The following KPNA6 variants were observed in gnomAD, a reference collection of about 807,000 sequenced individuals.
KPNA6 encodes importin subunit alpha-7.
Under a neutral mutation model 72.0 loss-of-function variants are expected in KPNA6, and 9 were observed. That is an observed-to-expected ratio of 0.13 (90% confidence interval 0.08 to 0.22). KPNA6 has a LOEUF of 0.22. Among genes scored for constraint, KPNA6 ranks in the 10% least tolerant of loss-of-function variants. The pLI is 1.00. For missense variants in KPNA6, 374 were observed against 655.7 expected (o/e 0.57, Z 4.69); for synonymous variants, 219 against 242.1 (o/e 0.90, Z 0.89).
Position 32,140,500 on chromosome 1 carries a change from T to G in KPNA6, c.5-14088T>G, listed in dbSNP as rs75070587. 9.5e-3 allele frequency among the ~76,000 whole-genome samples: 1,444 copies of G among 152,290 alleles called. 19 individuals are homozygous for G. Among genetic ancestry groups the G allele is most frequent in the African/African-American group, 0.032 (1,329 of 41,562 alleles). On this transcript the variant is annotated intron_variant, in intron 1 of 13. Coordinates refer to ENST00000373625, the MANE Select transcript of KPNA6 (RefSeq NM_012316.5). ...ATGTACAGTTAAAAATATAGCTATA[T>G]TATATATACATCTGATAGAATAAAA...
rs191289432 is a variant in KPNA6 at position 32,115,229 on chromosome 1, G to A, written c.4+7095G>A. Among the ~76,000 whole-genome samples the A allele has an allele frequency of 6.8e-3, 1,029 of 151,754 alleles. 12 individuals carry two copies. The highest frequency in any genetic ancestry group is 0.024 in the African/African-American group (988 of 41,380). On this transcript the variant is annotated intron_variant, in intron 1 of 13. Coordinates refer to ENST00000373625, the MANE Select transcript of KPNA6 (RefSeq NM_012316.5). ...CAGCTCACTACAAGCTCGGCCTCCC[G>A]GGTTCACGCCATTCTCCTGCCTCAG... is the stretch of plus-strand genomic sequence containing the variant.
chr1:32,150,391 C>T (rs963473709), intron 1 of KPNA6, among the ~76,000 whole-genome samples: 1 of 152,014 alleles, frequency 6.6e-6, no homozygotes, highest in Admixed American at 6.6e-5. Flanking sequence ...CCTCGGCCTC[C>T]CAACGTGTTG....
At chr1:32,150,615 T>C (rs1007321380) in intron 1 of KPNA6, among the ~76,000 whole-genome samples, 1 of 152,118 alleles carries the variant, frequency 6.6e-6, no homozygotes, top group African/African-American at 2.4e-5. Flanking sequence ...CTGCTTAGCA[T>C]GTATAGTACT....
rs780518386 is a variant in KPNA6 at position 32,166,097 on chromosome 1, T to C, written c.991-8T>C. 4.4e-6 allele frequency: 7 copies of C among 1,588,002 alleles called. No homozygotes were observed. Among genetic ancestry groups the C allele is most frequent in the Non-Finnish European group, 6.0e-6 (7 of 1,172,788 alleles). ...TTTCTTTTGTTTCCTGTGCTTTTGG[T>C]GTTCTAGGTCATTCTTAACTGTTCA... On this transcript the variant is annotated splice_polypyrimidine_tract_variant and splice_region_variant and intron_variant, in intron 10 of 13. Coordinates refer to ENST00000373625, the MANE Select transcript of KPNA6 (RefSeq NM_012316.5).
At position 32,141,375 on chromosome 1, in the gene KPNA6, C is replaced by CTTT. The variant is rs71006334; in HGVS notation, c.5-13175_5-13173dup. Among the ~76,000 whole-genome samples, 62 of 54,460 alleles carry CTTT rather than the reference C, an allele frequency of 1.1e-3. 15 individuals are homozygous for CTTT. Among genetic ancestry groups the CTTT allele is most frequent in the Non-Finnish European group, 1.4e-3 (36 of 25,158 alleles). The allele number at this position is 54,460 out of a possible 152,430, so 35.7% of individuals were successfully genotyped here. On this transcript the variant is annotated intron_variant, in intron 1 of 13. Coordinates refer to ENST00000373625, the MANE Select transcript of KPNA6 (RefSeq NM_012316.5). ...AGGGCTTTTTTTTTTTAAGTTAATC[C>CTTT]TTTTTTTTTTTTTTTTTTTTTTTTT...
chr1:32,108,271 G>A, intron 1 of KPNA6, 137 bp downstream of exon 1: 1 of 1,291,462 alleles, frequency 7.7e-7, no homozygotes, highest in Non-Finnish European at 1.1e-6. Flanking sequence ...AGTCAGGCCG[G>A]GAGTGCCCCT....
rs544239938 is a variant in KPNA6 at position 32,108,149 on chromosome 1, C to G, written c.4+15C>G. The G allele has an allele frequency of 2.1e-4, 342 of 1,614,024 alleles. 2 individuals are homozygous for G. In the South Asian group the frequency reaches 2.9e-3, roughly 14 times the overall value. ...ACCCGCGATGGGTGAGTGAGGAAAC[C>G]ACGCAGTAGGGTTCTTGGGCTCAGG... On this transcript the variant is annotated intron_variant, in intron 1 of 13. Coordinates refer to ENST00000373625, the MANE Select transcript of KPNA6 (RefSeq NM_012316.5).
At chr1:32,126,091 G>T (rs1641530315) in intron 1 of KPNA6, among the ~76,000 whole-genome samples, 2 of 149,188 alleles carry the variant, frequency 1.3e-5, no homozygotes. Context: ...TTGCTTAGTT[G>T]CCTAGGCTGG....
chr1:32,129,630 A>G (rs1641602100), intron 1 of KPNA6, among the ~76,000 whole-genome samples: 1 of 152,098 alleles, frequency 6.6e-6, no homozygotes. Context: ...ATCATAGCTC[A>G]CTGCAGCCTT....
chr1:32,145,426 G>T (rs1641913648), intron 1 of KPNA6, among the ~76,000 whole-genome samples: 1 of 151,562 alleles, frequency 6.6e-6, no homozygotes, highest in Admixed American at 6.6e-5. Context: ...TTAGGTTCAA[G>T]TGATTCTCCC....
intron 6 of KPNA6, 115 bp from the exon 7 acceptor site, chr1:32,160,500 T>C: frequency 1.3e-6 from 1 of 752,376 alleles, no homozygotes; most frequent in South Asian, 1.5e-5. Context: ...TGTAGTATAT[T>C]TGGGGCCTTG....
At position 32,157,370 on chromosome 1, in the gene KPNA6, G is replaced by A; in HGVS notation, c.256G>A (p.Val86Met). 1.2e-5 allele frequency: 20 copies of A among 1,613,962 alleles called. No individual in the cohort carries two copies. Among genetic ancestry groups the A allele is most frequent in the Non-Finnish European group, 1.7e-5 (20 of 1,179,860 alleles). Residue 86 changes from valine (V) to methionine (M), a missense_variant, in exon 4 of 14, where the codon GTG (valine) becomes ATG (methionine). Physicochemically the swap from Val to Met is conservative, Grantham distance 21 (BLOSUM62 1). Around this residue, in one of 3 missense-constraint regions of KPNA6, gnomAD observed 298 missense variants for 495.4 expected, o/e 0.60. Coordinates refer to ENST00000373625, the MANE Select transcript of KPNA6 (RefSeq NM_012316.5). ...TGESVITREM[V>M]EMLFSDDSDL... ...GGAGAGTGTGATCACAAGAGAGATG[G>A]TGGAGATGCTCTTTTCTGATGATTC...
chr1:32,127,745 C>T (rs1339751147), intron 1 of KPNA6, among the ~76,000 whole-genome samples: 1 of 152,148 alleles, frequency 6.6e-6, no homozygotes, highest in Admixed American at 6.6e-5. Context: ...TGCCCCAAAC[C>T]CTTCAGAAAT....
rs1439625209 is a variant in KPNA6, at chr1:32,171,037, C to T, written c.*143C>T. ...TGGAGACTGTGCTCTTGACCTGCTC[C>T]GCCCCCTTCCCTGGAGGGAGCACCC... On this transcript the variant is annotated 3_prime_UTR_variant, in exon 14 of 14. Transcript: ENST00000373625. 22 of 694,328 alleles carry T rather than the reference C, an allele frequency of 3.2e-5. No individual in the cohort carries two copies. The highest frequency in any genetic ancestry group is 7.2e-5 in the South Asian group (4 of 55,200). The allele number at this position is 694,328 out of a possible 1,614,324, so 43.0% of individuals were successfully genotyped here. A position where few individuals can be genotyped will look rare whatever the true frequency, so the allele number is the denominator to read the frequency against.
At chr1:32,114,041 A>G (rs912466865) in intron 1 of KPNA6, among the ~76,000 whole-genome samples, 1 of 152,122 alleles carries the variant, frequency 6.6e-6, no homozygotes, top group Non-Finnish European at 1.5e-5. Flanking sequence ...CTTCTTATGA[A>G]TCGTGAATGT....
intron 6 of KPNA6, among the ~76,000 whole-genome samples, chr1:32,159,827 T>C (rs560444435): frequency 2.6e-5 from 4 of 152,264 alleles, no homozygotes; most frequent in East Asian, 1.9e-4. Flanking sequence ...AAAAACTCTA[T>C]ACATTTGTTG....
chr1:32,129,136 CCCTTCCTT>C (rs900288898), intron 1 of KPNA6, among the ~76,000 whole-genome samples: 1 of 150,142 alleles, frequency 6.7e-6, no homozygotes, highest in Admixed American at 6.7e-5. Flanking sequence ...CTCCCTCCCT[CCCTTCCTT>C]CCTTCCTTCC....
chr1:32,111,615 T>G (rs2124518433), intron 1 of KPNA6, among the ~76,000 whole-genome samples: 1 of 152,294 alleles, frequency 6.6e-6, no homozygotes, highest in East Asian at 1.9e-4. Context: ...TTGAGAAGAT[T>G]AGGTGACTAG....
intron 1 of KPNA6, among the ~76,000 whole-genome samples, chr1:32,112,446 C>T (rs1391642636): frequency 6.6e-6 from 1 of 152,096 alleles, no homozygotes; most frequent in Non-Finnish European, 1.5e-5. Flanking sequence ...ATACTGTAGT[C>T]TCTTAAGTGT....
Sources: gnomAD v4.1 joint callset for allele counts (sites outside exome capture counted in the v4.1 genomes callset) on GRCh38, gnomAD v4.1.1 for gene constraint, gnomAD v4.1.1 regional missense constraint, MANE v1.5 for transcripts, NCBI Gene and HGNC (gene_info 2026-07-23, HGNC 2026-07-21) for gene names.